The following RUNX1 variants were observed in gnomAD, a reference collection of about 807,000 sequenced individuals.
The protein encoded by RUNX1 is RUNX family transcription factor 1.
A neutral mutation model predicts 42.8 loss-of-function variants in RUNX1; 19 were observed. The observed-to-expected ratio is 0.44, with a 90% confidence interval of 0.31 to 0.65. The LOEUF (loss-of-function observed/expected upper bound fraction) is 0.65. Among genes scored for constraint, RUNX1 ranks in the 30% least tolerant of loss-of-function variants. RUNX1 has a pLI of 0.07. For missense variants in RUNX1, 528 were observed against 672.0 expected (o/e 0.79, Z 2.37); for synonymous variants, 271 against 289.4 (o/e 0.94, Z 0.64).
Position 34,849,426 on chromosome 21 carries a change from AT to A in RUNX1, c.613+10047del, listed in dbSNP as rs1405697816. 4.8e-3 allele frequency among the ~76,000 whole-genome samples: 331 copies of A among 68,640 alleles called. 25 individuals are homozygous for A. Among genetic ancestry groups the A allele is most frequent in the African/African-American group, 0.019 (325 of 17,204 alleles). The allele number at this position is 68,640 out of a possible 152,430, so 45.0% of individuals were successfully genotyped here. On this transcript the variant is annotated intron_variant, in intron 6 of 8. Transcript: ENST00000675419. ...TACTATATATAATATATTATATAGT[AT>A]ATATATTATATATATACTATATATT...
intron 6 of RUNX1, among the ~76,000 whole-genome samples, chr21:34,851,656 C>A (rs2057420774): frequency 6.6e-6 from 1 of 152,040 alleles, no homozygotes; most frequent in Non-Finnish European, 1.5e-5. Flanking sequence ...TAGTTTAGAT[C>A]CTGACCTCAC....
intron 6 of RUNX1, among the ~76,000 whole-genome samples, chr21:34,857,741 G>A (rs2057515372): frequency 1.3e-5 from 2 of 152,198 alleles, no homozygotes; most frequent in Admixed American, 6.5e-5. Flanking sequence ...GTCCTCTGTG[G>A]AGAACAAACT....
At chr21:34,886,249 TA>T (rs2057984779) in intron 4 of RUNX1, among the ~76,000 whole-genome samples, 1 of 152,174 alleles carries the variant, frequency 6.6e-6, no homozygotes, top group African/African-American at 2.4e-5. Context: ...AGGAGCAGGC[TA>T]AAAAGCTCAG....
At chr21:34,975,354 T>C (rs1387379560) in intron 2 of RUNX1, among the ~76,000 whole-genome samples, 2 of 152,266 alleles carry the variant, frequency 1.3e-5, no homozygotes, top group Non-Finnish European at 2.9e-5. Context: ...TGGTTGTCTG[T>C]ATTGAACATG....
intron 2 of RUNX1, among the ~76,000 whole-genome samples, chr21:35,036,571 G>T (rs2059310138): frequency 6.6e-6 from 1 of 152,096 alleles, no homozygotes. Flanking sequence ...AGGTGAAGGG[G>T]GAAAAGAAGG....
Position 34,792,081 on chromosome 21 carries a change from G to T in RUNX1, c.*54C>A. The T allele has an allele frequency of 1.7e-6, 2 of 1,150,598 alleles. No individual in the cohort carries two copies. Among genetic ancestry groups the T allele is most frequent in the Non-Finnish European group, 2.2e-6 (2 of 892,006 alleles). The allele number at this position is 1,150,598 out of a possible 1,614,324, so 71.3% of individuals were successfully genotyped here. A position where few individuals can be genotyped will look rare whatever the true frequency, so the allele number is the denominator to read the frequency against. ...CTTGTCGCGAACAGGAGGCCCGCGC[G>T]CCCGGAGGCGAAGGCGGCGGCCCGC... On this transcript the variant is annotated 3_prime_UTR_variant, in exon 9 of 9. Coordinates refer to ENST00000675419, the MANE Select transcript of RUNX1 (RefSeq NM_001754.5). This position sits in a 1 kb window ranked among gnomAD's most constrained non-coding sequence, Gnocchi z 6.9.
intron 7 of RUNX1, among the ~76,000 whole-genome samples, chr21:34,810,942 G>A (rs1341368441): frequency 6.6e-6 from 1 of 152,074 alleles, no homozygotes; most frequent in Non-Finnish European, 1.5e-5. Context: ...ATTCCAGCGG[G>A]GTAGCATGCA....
rs574449120 is a variant in RUNX1, at chr21:34,936,342, T to C, written c.59-43379A>G. ...TAAATTAGTACAAAACTTGGCTAAA[T>C]TTAGCTTTTATAGAAGAAAGAATAA... On this transcript the variant is annotated intron_variant, in intron 2 of 8. Coordinates refer to ENST00000675419, the MANE Select transcript of RUNX1 (RefSeq NM_001754.5). 2.0e-5 allele frequency among the ~76,000 whole-genome samples: 3 copies of C among 152,300 alleles called. No homozygotes were observed. The South Asian group carries it at 6.2e-4, about 32-fold the overall frequency.
chr21:34,815,742 T>C (rs1325034311), intron 7 of RUNX1, among the ~76,000 whole-genome samples: 4 of 152,104 alleles, frequency 2.6e-5, no homozygotes, highest in Non-Finnish European at 5.9e-5. Flanking sequence ...GCACTCTTAC[T>C]CTGGGGCCGA....
Position 34,792,003 on chromosome 21 carries a change from G to A in RUNX1, c.*132C>T, listed in dbSNP as rs537865761. 137 of 526,330 alleles carry A rather than the reference G, an allele frequency of 2.6e-4. 2 individuals are homozygous for A. In the African/African-American group the frequency reaches 2.7e-3, roughly 10 times the overall value. 32.6% of individuals were successfully genotyped at this position (526,330 alleles called of 1,614,324 possible). ...CCTACAGCGAGATCCTGGCCGTCGG[G>A]CGCCCTCGGCCCCAGGACGGTGGCC... On this transcript the variant is annotated 3_prime_UTR_variant, in exon 9 of 9. Transcript: ENST00000675419. The surrounding 1 kb of genome is among the most constrained non-coding windows in gnomAD (Gnocchi z 6.9).
chr21:34,807,473 C>A (rs1157006471), intron 7 of RUNX1, among the ~76,000 whole-genome samples: 1 of 152,164 alleles, frequency 6.6e-6, no homozygotes, highest in Non-Finnish European at 1.5e-5. Context: ...GTCACATAGA[C>A]CACAGGGTTC....
intron 5 of RUNX1, 85 bp from the exon 6 acceptor site, chr21:34,859,663 G>C: frequency 8.8e-7 from 1 of 1,134,342 alleles, no homozygotes; most frequent in Non-Finnish European, 1.3e-6. Context: ...AATTTATGCT[G>C]TCCAGCCCTT....
At chr21:34,819,628 G>A (rs905588067) in intron 7 of RUNX1, among the ~76,000 whole-genome samples, 2 of 152,226 alleles carry the variant, frequency 1.3e-5, no homozygotes, top group South Asian at 2.1e-4. Flanking sequence ...ACAAGGACGT[G>A]GCCGTCACAG....
intron 3 of RUNX1, among the ~76,000 whole-genome samples, chr21:34,891,014 T>C (rs1048325285): frequency 6.6e-6 from 1 of 151,736 alleles, no homozygotes; most frequent in African/African-American, 2.4e-5. Flanking sequence ...GGCTTTTGAC[T>C]CCAGGGGAAA....
At chr21:34,995,909 T>C (rs2058991454) in intron 2 of RUNX1, among the ~76,000 whole-genome samples, 1 of 152,132 alleles carries the variant, frequency 6.6e-6, no homozygotes, top group Non-Finnish European at 1.5e-5. Flanking sequence ...TATGTGTGTG[T>C]ATATGTACGT....
In RUNX1 at chr21:34,907,162, G is replaced by A. The variant is rs750065263; in HGVS notation, c.59-14199C>T. Reference sequence around the variant, plus strand: ...AAGGACAGCACTTTCCTGGTGTACAGTCTTTGGGGGCTCTTGACAGCAAGA... The same window carrying A: ...AAGGACAGCACTTTCCTGGTGTACAATCTTTGGGGGCTCTTGACAGCAAGA... On this transcript the variant is annotated intron_variant, in intron 2 of 8. Transcript: ENST00000675419. The surrounding 1 kb of genome is among the most constrained non-coding windows in gnomAD (Gnocchi z 5.3). Among the ~76,000 whole-genome samples the A allele has an allele frequency of 4.0e-5, 6 of 151,840 alleles. No homozygotes were observed. The highest frequency in any genetic ancestry group is 7.3e-5 in the Non-Finnish European group (5 of 68,042).
intron 2 of RUNX1, among the ~76,000 whole-genome samples, chr21:35,029,847 T>A (rs1324934203): frequency 1.3e-5 from 2 of 152,208 alleles, no homozygotes; most frequent in Non-Finnish European, 2.9e-5. Flanking sequence ...ATCCTGGTAA[T>A]AGTACGAGGT....
chr21:34,992,231 G>A (rs8131269), intron 2 of RUNX1, among the ~76,000 whole-genome samples: 26,689 of 152,204 alleles, frequency 0.18, 2,683 homozygotes, highest in African/African-American at 0.26. Flanking sequence ...TGCTTCCCTG[G>A]AAGTTCTGCC....
intron 2 of RUNX1, among the ~76,000 whole-genome samples, chr21:35,026,086 G>T (rs1422509830): frequency 6.6e-6 from 1 of 152,136 alleles, no homozygotes; most frequent in Admixed American, 6.5e-5. Flanking sequence ...AACCCCAACA[G>T]GCATCATCTT....
Sources: gnomAD v4.1 joint callset for allele counts (sites outside exome capture counted in the v4.1 genomes callset) on GRCh38, gnomAD v4.1.1 for gene constraint, Gnocchi (gnomAD v3.1) non-coding constraint, MANE v1.5 for transcripts, NCBI Gene and HGNC (gene_info 2026-07-23, HGNC 2026-07-21) for gene names.